Variants in ASH1L observed in about 807,000 individuals in gnomAD.
ASH1L encodes the protein histone-lysine N-methyltransferase ASH1L.
A neutral mutation model predicts 269.0 loss-of-function variants in ASH1L; 23 were observed. That is an observed-to-expected ratio of 0.09 (90% CI 0.06 to 0.12). ASH1L has a LOEUF of 0.12. Among genes scored for constraint, ASH1L ranks in the 10% least tolerant of loss-of-function variants. ASH1L has a pLI of 1.00. For missense variants in ASH1L, 2,912 were observed against 3,567.8 expected (o/e 0.82, Z 4.68); for synonymous variants, 1,187 against 1,253.5 (o/e 0.95, Z 1.12).
intron 1 of ASH1L, among the ~76,000 whole-genome samples, chr1:155,547,445 T>C (rs1270946432): frequency 6.6e-6 from 1 of 151,636 alleles, no homozygotes; most frequent in Non-Finnish European, 1.5e-5. Flanking sequence ...TATGTAGCCA[T>C]AAAAAGGAAT....
At chr1:155,338,022 A>G in intron 27 of ASH1L, 67 bp downstream of exon 27, 1 of 1,495,830 alleles carries the variant, frequency 6.7e-7, no homozygotes, top group Non-Finnish European at 9.1e-7. Flanking sequence ...AGTAATTACA[A>G]TTTTTTTCCA....
intron 5 of ASH1L, among the ~76,000 whole-genome samples, chr1:155,422,282 T>C (rs1660752120): frequency 6.7e-6 from 1 of 148,546 alleles, no homozygotes; most frequent in African/African-American, 2.5e-5. Context: ...GATTACAGGG[T>C]CACACCACCA....
rs1012095619 is a variant in ASH1L, at chr1:155,459,944, A to G, written c.4985-46T>C. On this transcript the variant is annotated intron_variant, in intron 3 of 27. Coordinates refer to ENST00000392403, the MANE Select transcript of ASH1L (RefSeq NM_018489.3). Reference sequence around the variant, plus strand: ...AGAAATCATAGGAAAATTCAACTTTAAAAATAATGTGAAACCATCTTTTGT... The same window carrying G: ...AGAAATCATAGGAAAATTCAACTTTGAAAATAATGTGAAACCATCTTTTGT... 6 of 1,428,462 alleles carry G rather than the reference A, an allele frequency of 4.2e-6. No homozygotes were observed. The African/African-American group carries it at 8.6e-5, about 20-fold the overall frequency. The allele number at this position is 1,428,462 out of a possible 1,614,324, so 88.5% of individuals were successfully genotyped here. A position where few individuals can be genotyped will look rare whatever the true frequency, so the allele number is the denominator to read the frequency against.
chr1:155,375,297 T>C (rs1195594114), intron 10 of ASH1L, among the ~76,000 whole-genome samples: 1 of 152,200 alleles, frequency 6.6e-6, no homozygotes, highest in Non-Finnish European at 1.5e-5. Flanking sequence ...TTCAAGGCAT[T>C]GAAATATATT....
chr1:155,449,003 G>A (rs188750915), intron 4 of ASH1L, among the ~76,000 whole-genome samples: 1 of 151,454 alleles, frequency 6.6e-6, no homozygotes, highest in Non-Finnish European at 1.5e-5. Flanking sequence ...GCACGATCTC[G>A]TCTCACTGCA....
intron 1 of ASH1L, among the ~76,000 whole-genome samples, chr1:155,529,237 T>C (rs867816831): frequency 6.6e-6 from 1 of 152,214 alleles, no homozygotes. Flanking sequence ...TCAAATGTTA[T>C]TTCTGTTTTT....
intron 5 of ASH1L, among the ~76,000 whole-genome samples, chr1:155,431,299 T>C (rs757296441): frequency 1.3e-5 from 2 of 151,758 alleles, no homozygotes; most frequent in East Asian, 3.8e-4. Flanking sequence ...ATAATATATA[T>C]GTATTTTTAG....
At chr1:155,525,395 C>T (rs948656954) in intron 1 of ASH1L, among the ~76,000 whole-genome samples, 1 of 151,966 alleles carries the variant, frequency 6.6e-6, no homozygotes, top group Admixed American at 6.6e-5. Context: ...GACACGGACC[C>T]ATTTTAGTCT....
intron 6 of ASH1L, among the ~76,000 whole-genome samples, chr1:155,414,078 C>T (rs73010906): frequency 0.052 from 7,956 of 152,126 alleles, 699 homozygotes; most frequent in African/African-American, 0.18. Context: ...CACCACCAAA[C>T]GAGATGTACC....
At chr1:155,378,162 A>AT (rs1241143615) in intron 10 of ASH1L, 119 bp downstream of exon 10, 11 of 708,548 alleles carry the variant, frequency 1.6e-5, no homozygotes, top group Non-Finnish European at 2.4e-5. Context: ...TATGGTTTAT[A>AT]TATCTTTGTG....
chr1:155,454,226 TAAGA>T (rs1663709190), intron 4 of ASH1L, among the ~76,000 whole-genome samples: 1 of 152,194 alleles, frequency 6.6e-6, no homozygotes, highest in African/African-American at 2.4e-5. Context: ...ATGTTACAGA[TAAGA>T]AAGCCATGGG....
chr1:155,453,729 G>A (rs915921651), intron 4 of ASH1L, among the ~76,000 whole-genome samples: 3 of 152,098 alleles, frequency 2.0e-5, no homozygotes, highest in Non-Finnish European at 4.4e-5. Flanking sequence ...AACCCGGGAG[G>A]CAGAGGCTTC....
chr1:155,513,537 C>T (rs977458265), intron 2 of ASH1L, among the ~76,000 whole-genome samples: 11 of 149,918 alleles, frequency 7.3e-5, no homozygotes, highest in African/African-American at 2.7e-4. Context: ...TGCCACTGCA[C>T]TCCAGCCAGG....
At chr1:155,402,800 T>A (rs1658960022) in intron 6 of ASH1L, among the ~76,000 whole-genome samples, 1 of 151,626 alleles carries the variant, frequency 6.6e-6, no homozygotes, top group Admixed American at 6.6e-5. Flanking sequence ...GCAATCCTCC[T>A]ACCTTGGCCT....
chr1:155,389,181 T>C (rs1657697409), intron 7 of ASH1L, among the ~76,000 whole-genome samples: 1 of 150,862 alleles, frequency 6.6e-6, no homozygotes, highest in Admixed American at 6.6e-5. Flanking sequence ...AATTTTTTTC[T>C]ATTTTTAGTA....
chr1:155,480,676 T>C lies in ASH1L; in HGVS notation c.2194A>G (p.Lys732Glu), dbSNP rs770038478. 5.0e-6 allele frequency: 8 copies of C among 1,613,920 alleles called. No homozygotes were observed. The East Asian group carries it at 1.8e-4, about 36-fold the overall frequency. Residue 732 changes from lysine to glutamate, a missense_variant, in exon 3 of 28, where the codon AAA becomes GAA. By Grantham distance (56) the Lys-to-Glu change is moderately conservative (BLOSUM62 1). This residue lies in a region of ASH1L where 715 missense variants were observed against 721.0 expected (regional missense o/e 0.99). Transcript: ENST00000392403. ...VVARSTCRSPKGLELERSELF... is the reference protein window; with the variant it reads ...VVARSTCRSPEGLELERSELF... Reference sequence around the variant, plus strand: ...TCTGATCTTTCTAATTCTAGCCCTTTTGGAGACCGGCATGTGCTTCTTGCC... The same window carrying C: ...TCTGATCTTTCTAATTCTAGCCCTTCTGGAGACCGGCATGTGCTTCTTGCC...
chr1:155,375,323 C>A (rs1656340561), intron 10 of ASH1L, among the ~76,000 whole-genome samples: 1 of 152,150 alleles, frequency 6.6e-6, no homozygotes, highest in African/African-American at 2.4e-5. Flanking sequence ...TTTGTTTTGA[C>A]AACCAGAATA....
intron 1 of ASH1L, among the ~76,000 whole-genome samples, chr1:155,521,835 C>G (rs1668906364): frequency 6.6e-6 from 1 of 152,044 alleles, no homozygotes; most frequent in African/African-American, 2.4e-5. Flanking sequence ...CATAAACAAG[C>G]CATAGTGGTA....
Position 155,479,465 on chromosome 1 carries a change from A to G in ASH1L, c.3405T>C (p.Tyr1135=), listed in dbSNP as rs759931192. The G allele has an allele frequency of 1.2e-6, 2 of 1,614,178 alleles. No individual in the cohort carries two copies. Among genetic ancestry groups the G allele is most frequent in the East Asian group, 2.2e-5 (1 of 44,880 alleles). ...AGFVEPSSVP[Y]LHLHSRQGSM... is the part of the protein sequence containing the mutation. ...TGCCCTGTCTGGAGTGTAAATGCAA[A>G]TATGGCACTGAACTGGGTTCAACAA... Residue 1135 remains tyrosine, a synonymous_variant, in exon 3 of 28, where the codon TAT becomes TAC. Transcript: ENST00000392403.
Sources: allele counts gnomAD v4.1 joint callset (sites outside exome capture counted in the v4.1 genomes callset), GRCh38; gene constraint gnomAD v4.1.1; regional missense constraint gnomAD v4.1.1; transcripts MANE v1.5; gene names NCBI Gene and HGNC (gene_info 2026-07-23, HGNC 2026-07-21).